Variants in TMEM132E observed in about 807,000 individuals in gnomAD.
The protein encoded by TMEM132E is transmembrane protein 132E.
TMEM132E carries 49 observed loss-of-function variants against 78.5 expected under a neutral mutation model. The ratio of observed to expected loss-of-function variants is 0.62; its 90% CI spans 0.50 to 0.79. The LOEUF is 0.79. Among genes scored for constraint, TMEM132E ranks in the 30% least tolerant of loss-of-function variants. The pLI is 0.00. For missense variants in TMEM132E, 1,403 were observed against 1,470.9 expected (o/e 0.95, Z 0.75); for synonymous variants, 715 against 670.6 (o/e 1.07, Z -1.02).
Position 34,626,727 on chromosome 17 carries a change from C to A in TMEM132E, c.668C>A (p.Ala223Glu). 7.3e-7 allele frequency: 1 copy of A among 1,373,148 alleles called. No homozygotes were observed. The highest frequency in any genetic ancestry group is 9.6e-7 in the Non-Finnish European group (1 of 1,044,384). The allele number at this position is 1,373,148 out of a possible 1,614,324, so 85.1% of individuals were successfully genotyped here. ...TCCCCGGACGGGCTGGAGCCCGAGG[C>A]GACGGGGGAGAGCCAGCAGGCCGAG... is the stretch of plus-strand genomic sequence containing the variant. ...RKSPDGLEPE[A>E]TGESQQAELY... Residue 223 changes from alanine (A) to glutamate (E), a missense_variant, in exon 2 of 9, where the codon GCG (alanine) becomes GAG (glutamate). Transcript: ENST00000631683.
chr17:34,632,640 C>T (rs1274331269), intron 5 of TMEM132E, 64 bp from the exon 6 acceptor site: 4 of 1,581,496 alleles, frequency 2.5e-6, no homozygotes, highest in Non-Finnish European at 2.6e-6. Flanking sequence ...GACTGAAGTC[C>T]TCCGCACTGC....
intron 1 of TMEM132E, among the ~76,000 whole-genome samples, chr17:34,600,926 C>T (rs1480588630): frequency 2.0e-5 from 3 of 152,140 alleles, no homozygotes; most frequent in East Asian, 3.9e-4. Flanking sequence ...CCTAGGCCCT[C>T]GCCAGCTCAC....
chr17:34,615,356 T>C (rs958691582), intron 1 of TMEM132E, among the ~76,000 whole-genome samples: 3 of 152,204 alleles, frequency 2.0e-5, no homozygotes, highest in African/African-American at 4.8e-5. Context: ...CCTAGGTCTC[T>C]GTGATTTCCT....
At chr17:34,584,005 C>A (rs1905581340) in intron 1 of TMEM132E, among the ~76,000 whole-genome samples, 1 of 152,220 alleles carries the variant, frequency 6.6e-6, no homozygotes, top group Admixed American at 6.5e-5. Flanking sequence ...ACTCCCAGCC[C>A]CACTGTTAGT....
intron 1 of TMEM132E, among the ~76,000 whole-genome samples, chr17:34,581,491 C>G (rs1392321812): frequency 2.0e-5 from 3 of 152,150 alleles, no homozygotes; most frequent in African/African-American, 7.2e-5. Context: ...GCCCCCCGCC[C>G]CCGTCTCTCC....
At chr17:34,608,594 G>T (rs531249553) in intron 1 of TMEM132E, among the ~76,000 whole-genome samples, 1 of 152,318 alleles carries the variant, frequency 6.6e-6, no homozygotes, top group East Asian at 1.9e-4. Flanking sequence ...TTCCAAGTGG[G>T]ACTGTACACT....
chr17:34,626,684 C>A lies in TMEM132E; in HGVS notation c.625C>A (p.Pro209Thr), dbSNP rs1301696229. The change falls in exon 2 of 9, where the codon CCC (proline) becomes ACC (threonine). Residue 209 changes from proline to threonine, a missense_variant. By Grantham distance (38) the Pro-to-Thr change is conservative. Around this residue, in one of 3 missense-constraint regions of TMEM132E, gnomAD observed 511 missense variants for 499.0 expected, o/e 1.02. Coordinates refer to ENST00000631683, the MANE Select transcript of TMEM132E (RefSeq NM_001304438.2). ...CGGGCCCCCAGCCCCCGCTGCGCCA[C>A]CCACGGCCCGCCGCAAGTCCCCGGA... ...WFGPPAPAAP[P>T]TARRKSPDGL... is the part of the protein sequence containing the mutation. 1.4e-5 allele frequency: 20 copies of A among 1,399,016 alleles called. No homozygotes were observed. Among genetic ancestry groups the A allele is most frequent in the African/African-American group, 3.0e-5 (2 of 67,700 alleles). 86.7% of individuals were successfully genotyped at this position (1,399,016 alleles called of 1,614,324 possible).
Position 34,626,619 on chromosome 17 carries a change from C to T in TMEM132E, c.560C>T (p.Ala187Val). ...TCCTGCCGCCTCAGCGGGGGCCTGG[C>T]CACTTGTCTGGTGCGGGCAGAGCTG... ...KSSCRLSGGL[A>V]TCLVRAELPL... The change falls in exon 2 of 9, where the codon GCC becomes GTC. Residue 187 changes from alanine (A) to valine (V), a missense_variant. Around this residue, in one of 3 missense-constraint regions of TMEM132E, gnomAD observed 511 missense variants for 499.0 expected, o/e 1.02. Transcript: ENST00000631683. 1.3e-6 allele frequency: 2 copies of T among 1,495,282 alleles called. No individual in the cohort carries two copies. Among genetic ancestry groups the T allele is most frequent in the Non-Finnish European group, 1.8e-6 (2 of 1,126,546 alleles). The allele number at this position is 1,495,282 out of a possible 1,614,324, so 92.6% of individuals were successfully genotyped here.
intron 5 of TMEM132E, among the ~76,000 whole-genome samples, chr17:34,632,244 C>A (rs1907369802): frequency 6.6e-6 from 1 of 152,214 alleles, no homozygotes; most frequent in African/African-American, 2.4e-5. Flanking sequence ...TGCCCCCCAT[C>A]CCCATCCCCT....
intron 7 of TMEM132E, among the ~76,000 whole-genome samples, chr17:34,635,511 T>C (rs1907491559): frequency 6.6e-6 from 1 of 152,222 alleles, no homozygotes; most frequent in Non-Finnish European, 1.5e-5. Flanking sequence ...TGCAGACATA[T>C]CTTCTTTGTA....
intron 1 of TMEM132E, among the ~76,000 whole-genome samples, chr17:34,620,264 A>G (rs1000628157): frequency 6.6e-6 from 1 of 152,200 alleles, no homozygotes; most frequent in South Asian, 2.1e-4. Flanking sequence ...GGTACCCCCA[A>G]CCTCAGAAAA....
chr17:34,580,869 C>T lies in TMEM132E; in HGVS notation c.-208C>T, dbSNP rs1417986309. On this transcript the variant is annotated 5_prime_UTR_variant, in exon 1 of 9. Transcript: ENST00000631683. The stretch of plus-strand genomic sequence containing the variant: ...GAGGCTCCTCCCGCCCGGAGCTGCG[C>T]CCCCACCGGCTCCGAGGGTGTAGCC... The T allele has an allele frequency of 6.4e-6, 3 of 465,592 alleles. No homozygotes were observed. Among genetic ancestry groups the T allele is most frequent in the Admixed American group, 8.7e-5 (2 of 23,076 alleles). 28.8% of individuals were successfully genotyped at this position (465,592 alleles called of 1,614,324 possible).
intron 1 of TMEM132E, among the ~76,000 whole-genome samples, chr17:34,592,969 G>A (rs56849145): frequency 2.0e-5 from 3 of 152,138 alleles, no homozygotes; most frequent in African/African-American, 7.2e-5. Flanking sequence ...GAGCAGCATC[G>A]GCACTGTCCA....
At chr17:34,632,060 C>T (rs1217954617) in intron 5 of TMEM132E, among the ~76,000 whole-genome samples, 1 of 152,228 alleles carries the variant, frequency 6.6e-6, no homozygotes, top group Non-Finnish European at 1.5e-5. Context: ...ACAACAGCCA[C>T]ATCCATTGGT....
At position 34,637,593 on chromosome 17, in the gene TMEM132E, C is replaced by G. The variant is rs768630171; in HGVS notation, c.2586C>G (p.Pro862=). The G allele has an allele frequency of 1.2e-5, 19 of 1,601,074 alleles. 1 individual carries two copies. The South Asian group carries it at 1.8e-4, about 15-fold the overall frequency. The change falls in exon 9 of 9, where the codon CCC becomes CCG. Residue 862 remains proline, a synonymous_variant. Coordinates refer to ENST00000631683, the MANE Select transcript of TMEM132E (RefSeq NM_001304438.2). ...CTCCAGGCCCGGGCACCGCCAGCCC[C>G]GTCGTGCCACCCACAGAAGACTTCC... ...PEAPGPGTAS[P]VVPPTEDFLP... is the part of the protein sequence containing the mutation.
rs1267969028 is a variant in TMEM132E at position 34,638,131 on chromosome 17, G to A, written c.3124G>A (p.Glu1042Lys). ...GGGCGAAGAGGACGAGGAGGAGGAA[G>A]AGGACCTGGGTTGGGGCTGCCCGGA... is the stretch of plus-strand genomic sequence containing the variant. ...PAGEEDEEEE[E>K]DLGWGCPDVA... The change falls in exon 9 of 9, where the codon GAG becomes AAG. Residue 1042 changes from glutamate (E) to lysine (K), a missense_variant. By Grantham distance (56) the Glu-to-Lys change is moderately conservative. Coordinates refer to ENST00000631683, the MANE Select transcript of TMEM132E (RefSeq NM_001304438.2). 3.7e-6 allele frequency: 6 copies of A among 1,608,422 alleles called. No individual in the cohort carries two copies. The Admixed American group carries it at 8.4e-5, about 22-fold the overall frequency.
Position 34,581,088 on chromosome 17 carries a change from G to A in TMEM132E, c.12G>A (p.Gly4=), listed in dbSNP as rs772028517. 9.6e-6 allele frequency: 15 copies of A among 1,554,642 alleles called. No individual in the cohort carries two copies. Among genetic ancestry groups the A allele is most frequent in the Admixed American group, 1.9e-5 (1 of 53,310 alleles). Residue 4 remains glycine, a synonymous_variant, in exon 1 of 9, where the codon GGG becomes GGA. Transcript: ENST00000631683. MAP[G]MSGRGGAALL... ...CCCCCGCCTCGGCCATGGCCCCGGG[G>A]ATGTCGGGCCGCGGCGGCGCCGCCC...
At chr17:34,625,395 T>C (rs1907083967) in intron 1 of TMEM132E, among the ~76,000 whole-genome samples, 1 of 152,132 alleles carries the variant, frequency 6.6e-6, no homozygotes. Flanking sequence ...CTACACCAGC[T>C]GAGAGAGCAG....
At position 34,626,868 on chromosome 17, in the gene TMEM132E, G is replaced by T. The variant is rs570477617; in HGVS notation, c.809G>T (p.Arg270Leu). 1.9e-6 allele frequency: 3 copies of T among 1,608,320 alleles called. No individual in the cohort carries two copies. Among genetic ancestry groups the T allele is most frequent in the South Asian group, 1.1e-5 (1 of 90,862 alleles). ...AGCCCTACCCAGCACCCCCTGCTGC[G>T]CATCGGGAGCATCAGCCTGTTCCGC... Reference protein sequence around the residue: ...AESPTQHPLLRIGSISLFRPP... With the variant: ...AESPTQHPLLLIGSISLFRPP... Residue 270 changes from arginine to leucine, a missense_variant, in exon 2 of 9, where the codon CGC becomes CTC. This residue lies in a region of TMEM132E where 511 missense variants were observed against 499.0 expected (regional missense o/e 1.02). Transcript: ENST00000631683.
Sources: allele counts gnomAD v4.1 joint callset (sites outside exome capture counted in the v4.1 genomes callset), GRCh38; gene constraint gnomAD v4.1.1; regional missense constraint gnomAD v4.1.1; transcripts MANE v1.5; gene names NCBI Gene and HGNC (gene_info 2026-07-23, HGNC 2026-07-21).